The following ZNF385D variants were observed in gnomAD, a reference collection of about 807,000 sequenced individuals.
The protein encoded by ZNF385D is zinc finger protein 385D.
A neutral mutation model predicts 35.8 loss-of-function variants in ZNF385D; 15 were observed. The observed-to-expected ratio is 0.42, with a 90% confidence interval of 0.28 to 0.64. ZNF385D has a LOEUF of 0.64. Ranked by LOEUF, ZNF385D falls within the 30% of genes least tolerant of loss-of-function variation. The pLI, the probability that ZNF385D is intolerant of heterozygous loss-of-function variation, is 0.23. For missense variants in ZNF385D, 474 were observed against 494.6 expected, an observed-to-expected ratio of 0.96 and a Z score of 0.39; for synonymous variants, 212 against 186.8, an observed-to-expected ratio of 1.13 and a Z score of -1.10.
rs749657204 is a variant in ZNF385D at position 21,436,957 on chromosome 3, C to T, written c.673+13G>A. Reference sequence around the variant, plus strand: ...AGAGCTGTTGAAACAAAAAAGAAATCGCTGCATCTCACCACTGTTGTGCGC... The same window carrying T: ...AGAGCTGTTGAAACAAAAAAGAAATTGCTGCATCTCACCACTGTTGTGCGC... On this transcript the variant is annotated intron_variant, in intron 5 of 7. Transcript: ENST00000281523. 8.7e-6 allele frequency: 14 copies of T among 1,608,658 alleles called. No homozygotes were observed. Among genetic ancestry groups the T allele is most frequent in the East Asian group, 2.2e-5 (1 of 44,786 alleles).
At chr3:21,741,475 C>T (rs1341870717) in intron 1 of ZNF385D, among the ~76,000 whole-genome samples, 2 of 152,136 alleles carry the variant, frequency 1.3e-5, no homozygotes, top group African/African-American at 4.8e-5. Context: ...CGGTGACTTC[C>T]TTATTGTGTG....
At chr3:21,475,007 C>T (rs1460509465) in intron 4 of ZNF385D, among the ~76,000 whole-genome samples, 2 of 151,982 alleles carry the variant, frequency 1.3e-5, no homozygotes, top group Admixed American at 1.3e-4. Context: ...AAACCCCTGA[C>T]ATGTTATATA....
Position 22,263,089 on chromosome 3 carries a change from C to T in ZNF385D, c.107-94054G>A, listed in dbSNP as rs79722676. Among the ~76,000 whole-genome samples the T allele has an allele frequency of 5.1e-3, 776 of 152,126 alleles. 22 individuals carry two copies. In the East Asian group the frequency reaches 0.094, roughly 18 times the overall value. On this transcript the variant is annotated intron_variant, in intron 2 of 5. Coordinates refer to the ZNF385D transcript ENST00000494108. ...TTACCTTCATTGCTCACTGACCTTC[C>T]GTGGTAACCTCTTTAGCTCCTTTCT...
At chr3:21,758,994 A>AAAAAAAAAAAC (rs2070477378) in intron 3 of ZNF385D, among the ~76,000 whole-genome samples, 1 of 148,350 alleles carries the variant, frequency 6.7e-6, no homozygotes, top group Admixed American at 6.7e-5. Context: ...AAAAAAAAAA[A>AAAAAAAAAAAC]AAAAAAAAAA....
intron 4 of ZNF385D, among the ~76,000 whole-genome samples, chr3:21,503,398 C>A (rs185036151): frequency 6.6e-6 from 1 of 152,242 alleles, no homozygotes; most frequent in African/African-American, 2.4e-5. Context: ...CAAACTCTTC[C>A]AACCTTCCTT....
intron 3 of ZNF385D, among the ~76,000 whole-genome samples, chr3:21,544,660 G>A (rs13076165): frequency 0.15 from 23,084 of 152,192 alleles, 1,911 homozygotes; most frequent in Admixed American, 0.24. Context: ...AATACAATCA[G>A]AAGGTATTCT....
intron 2 of ZNF385D, among the ~76,000 whole-genome samples, chr3:22,182,624 T>C (rs1695354262): frequency 6.6e-6 from 1 of 151,976 alleles, no homozygotes; most frequent in African/African-American, 2.4e-5. Flanking sequence ...TAGAAACTCA[T>C]TAAAAAGATA....
chr3:21,985,909 T>A (rs1407219870), intron 3 of ZNF385D, among the ~76,000 whole-genome samples: 1 of 131,164 alleles, frequency 7.6e-6, no homozygotes, highest in African/African-American at 3.3e-5. Context: ...AGTGTATGTG[T>A]CGAGGAATGT....
intron 2 of ZNF385D, among the ~76,000 whole-genome samples, chr3:22,250,969 T>A (rs1700031746): frequency 6.6e-6 from 1 of 152,066 alleles, no homozygotes; most frequent in Non-Finnish European, 1.5e-5. Context: ...TCTCTGCCCA[T>A]CTAAAGAGCT....
intron 3 of ZNF385D, among the ~76,000 whole-genome samples, chr3:22,010,895 T>C (rs1696530478): frequency 6.6e-6 from 1 of 152,140 alleles, no homozygotes; most frequent in South Asian, 2.1e-4. Flanking sequence ...TTCTTTCCCT[T>C]TTTCCTCCCA....
intron 3 of ZNF385D, among the ~76,000 whole-genome samples, chr3:21,825,238 G>C (rs1457245952): frequency 6.6e-6 from 1 of 152,148 alleles, no homozygotes; most frequent in Non-Finnish European, 1.5e-5. Context: ...AAAGGGACTT[G>C]AGATCCAGGT....
chr3:21,978,732 A>T (rs550988042), intron 3 of ZNF385D, among the ~76,000 whole-genome samples: 3 of 152,190 alleles, frequency 2.0e-5, no homozygotes, highest in Non-Finnish European at 4.4e-5. Flanking sequence ...TATTTAAGCA[A>T]ATTGGCAAAT....
intron 3 of ZNF385D, among the ~76,000 whole-genome samples, chr3:21,935,460 A>C (rs1038188593): frequency 3.9e-5 from 6 of 152,160 alleles, no homozygotes; most frequent in Non-Finnish European, 7.4e-5. Flanking sequence ...CTGAGAACAC[A>C]AACTGGCAAG....
At chr3:21,804,008 A>G (rs1216260459) in intron 3 of ZNF385D, among the ~76,000 whole-genome samples, 1 of 152,204 alleles carries the variant, frequency 6.6e-6, no homozygotes, top group Non-Finnish European at 1.5e-5. Context: ...CAATGAAGAA[A>G]CCTTTGCTGG....
At chr3:22,032,996 T>C (rs1698091819) in intron 3 of ZNF385D, among the ~76,000 whole-genome samples, 1 of 152,134 alleles carries the variant, frequency 6.6e-6, no homozygotes, top group Admixed American at 6.5e-5. Flanking sequence ...ACTCTTGCTC[T>C]TAGACCCTGT....
intron 3 of ZNF385D, among the ~76,000 whole-genome samples, chr3:22,062,226 ATT>A (rs1699726711): frequency 6.6e-6 from 1 of 151,672 alleles, no homozygotes; most frequent in African/African-American, 2.4e-5. Context: ...TTTTATTTTT[ATT>A]TTTATTTTGT....
At chr3:21,765,523 C>T (rs80058093) in intron 3 of ZNF385D, among the ~76,000 whole-genome samples, 16,860 of 151,762 alleles carry the variant, frequency 0.11, 1,370 homozygotes, top group East Asian at 0.41. Context: ...TGTTTGTTCT[C>T]AAAAACATAA....
chr3:21,795,141 C>T (rs2072093352), intron 3 of ZNF385D, among the ~76,000 whole-genome samples: 1 of 152,186 alleles, frequency 6.6e-6, no homozygotes, highest in Admixed American at 6.5e-5. Context: ...TGGTTGTCCT[C>T]AGCTCACCCT....
At chr3:21,881,641 A>G (rs1317718655) in intron 3 of ZNF385D, among the ~76,000 whole-genome samples, 1 of 152,020 alleles carries the variant, frequency 6.6e-6, no homozygotes, top group Non-Finnish European at 1.5e-5. Context: ...AGTAATTTTG[A>G]CTTTATAGTA....
Sources: gnomAD v4.1 joint callset for allele counts (sites outside exome capture counted in the v4.1 genomes callset) on GRCh38, gnomAD v4.1.1 for gene constraint, MANE v1.5 for transcripts, NCBI Gene and HGNC (gene_info 2026-07-23, HGNC 2026-07-21) for gene names.